The following SPECC1 variants were observed in gnomAD, a reference collection of about 807,000 sequenced individuals.
SPECC1 encodes the protein cytospin-B.
Under a neutral mutation model 104.1 loss-of-function variants are expected in SPECC1, and 62 were observed. That is an observed-to-expected ratio of 0.60 (90% CI 0.49 to 0.74). The LOEUF is 0.74. Ranked by LOEUF, SPECC1 falls within the 30% of genes least tolerant of loss-of-function variation. SPECC1 has a pLI of 0.00. For synonymous variants in SPECC1, 513 were observed against 501.6 expected, an observed-to-expected ratio of 1.02 and a Z score of -0.30; for missense variants, 1,306 against 1,310.5, an observed-to-expected ratio of 1.00 and a Z score of 0.05.
At chr17:20,140,308 C>G (rs2030618139) in intron 3 of SPECC1, among the ~76,000 whole-genome samples, 1 of 152,084 alleles carries the variant, frequency 6.6e-6, no homozygotes, top group Non-Finnish European at 1.5e-5. Flanking sequence ...TCTTATATCT[C>G]CTATGATTTC....
At chr17:20,295,964 G>A (rs1286848995) in intron 12 of SPECC1, among the ~76,000 whole-genome samples, 1 of 152,160 alleles carries the variant, frequency 6.6e-6, no homozygotes, top group African/African-American at 2.4e-5. Context: ...CTCCCATTCT[G>A]TAGGTTGCCT....
intron 3 of SPECC1, among the ~76,000 whole-genome samples, chr17:20,203,492 C>CAAGT (rs2036567821): frequency 6.6e-6 from 1 of 152,188 alleles, no homozygotes; most frequent in South Asian, 2.1e-4. Flanking sequence ...TATATCATGT[C>CAAGT]AAGTAACATA....
chr17:20,065,882 G>A (rs761582473), intron 1 of SPECC1, among the ~76,000 whole-genome samples: 4 of 152,158 alleles, frequency 2.6e-5, no homozygotes, highest in Admixed American at 2.6e-4. Context: ...GTTTCCTGAG[G>A]CCTAAAGTGC....
chr17:20,317,735 CA>C lies in SPECC1; in HGVS notation c.*3678del. The stretch of plus-strand genomic sequence containing the variant: ...AGCAAGACCCTGTCACACACACACA[CA>C]AAAAAAAGAAATACAGGTGGTGTTT... On this transcript the variant is annotated 3_prime_UTR_variant, in exon 15 of 15. Transcript: ENST00000395527. The C allele has an allele frequency of 1.9e-5, 4 of 216,012 alleles. No homozygotes were observed. The highest frequency in any genetic ancestry group is 9.3e-6 in the Non-Finnish European group (1 of 107,568). 13.4% of individuals were successfully genotyped at this position (216,012 alleles called of 1,614,324 possible).
At chr17:20,104,470 C>T (rs1463211068) in intron 2 of SPECC1, among the ~76,000 whole-genome samples, 3 of 151,994 alleles carry the variant, frequency 2.0e-5, no homozygotes, top group African/African-American at 7.2e-5. Context: ...TGGCCAGGCA[C>T]GGTGGCTCAT....
intron 12 of SPECC1, among the ~76,000 whole-genome samples, chr17:20,287,105 A>G (rs1015428190): frequency 2.0e-5 from 3 of 152,172 alleles, no homozygotes; most frequent in African/African-American, 7.2e-5. Flanking sequence ...CGTGGTCTGC[A>G]AGGGAACAGT....
intron 12 of SPECC1, among the ~76,000 whole-genome samples, chr17:20,287,342 G>T (rs561335472): frequency 6.7e-6 from 1 of 148,494 alleles, no homozygotes; most frequent in Non-Finnish European, 1.5e-5. Flanking sequence ...GCGTGAACCC[G>T]GGAAGCGGAG....
At chr17:20,105,874 G>C (rs1456165891) in intron 2 of SPECC1, among the ~76,000 whole-genome samples, 3 of 152,188 alleles carry the variant, frequency 2.0e-5, no homozygotes, top group Non-Finnish European at 4.4e-5. Context: ...TGGTGGCTGG[G>C]GATGGAGGCT....
intron 1 of SPECC1, among the ~76,000 whole-genome samples, chr17:20,027,851 A>G (rs2044655340): frequency 6.6e-6 from 1 of 152,058 alleles, no homozygotes; most frequent in South Asian, 2.1e-4. Context: ...TTTGCTTAAT[A>G]TTGCCTTGGC....
At chr17:20,135,717 G>A (rs1473103658) in intron 3 of SPECC1, among the ~76,000 whole-genome samples, 2 of 152,270 alleles carry the variant, frequency 1.3e-5, no homozygotes, top group South Asian at 2.1e-4. Flanking sequence ...CTCCTACAGT[G>A]CTGGGACTAC....
chr17:20,158,085 T>C (rs1310100928), intron 3 of SPECC1, among the ~76,000 whole-genome samples: 1 of 152,186 alleles, frequency 6.6e-6, no homozygotes, highest in Non-Finnish European at 1.5e-5. Context: ...AAATTAGAGC[T>C]TTGTTAAAGA....
intron 3 of SPECC1, among the ~76,000 whole-genome samples, chr17:20,163,417 T>C: frequency 6.6e-6 from 1 of 152,186 alleles, no homozygotes; most frequent in East Asian, 1.9e-4. Context: ...TAATTTGTGT[T>C]TATTAATTTA....
intron 4 of SPECC1, among the ~76,000 whole-genome samples, chr17:20,215,372 A>G (rs189224298): frequency 7.2e-5 from 11 of 152,358 alleles, no homozygotes; most frequent in Admixed American, 2.6e-4. Context: ...AATGGACTAT[A>G]TAATCACTAT....
intron 3 of SPECC1, among the ~76,000 whole-genome samples, chr17:20,111,456 G>C (rs1295271274): frequency 6.6e-6 from 1 of 152,094 alleles, no homozygotes; most frequent in Non-Finnish European, 1.5e-5. Flanking sequence ...CTATATAATG[G>C]CTTTACCATT....
chr17:20,071,800 T>C (rs2046565124), intron 1 of SPECC1, among the ~76,000 whole-genome samples: 1 of 151,772 alleles, frequency 6.6e-6, no homozygotes, highest in Non-Finnish European at 1.5e-5. Flanking sequence ...ACAATGTGAA[T>C]TTAAAAAGTA....
At chr17:20,215,207 A>C (rs928586952) in intron 4 of SPECC1, among the ~76,000 whole-genome samples, 3 of 152,220 alleles carry the variant, frequency 2.0e-5, no homozygotes, top group African/African-American at 7.2e-5. Flanking sequence ...AGGATGTTCC[A>C]TGAATGCATT....
intron 1 of SPECC1, among the ~76,000 whole-genome samples, chr17:20,038,048 G>A (rs1246320282): frequency 6.6e-6 from 1 of 152,034 alleles, no homozygotes; most frequent in East Asian, 1.9e-4. Flanking sequence ...AATTTATAAT[G>A]TGTAGAGTTG....
At chr17:20,228,802 T>A (rs2038393868) in intron 5 of SPECC1, among the ~76,000 whole-genome samples, 1 of 152,240 alleles carries the variant, frequency 6.6e-6, no homozygotes, top group African/African-American at 2.4e-5. Context: ...AACATTACCT[T>A]CTTTGTCCAA....
At chr17:20,117,974 G>A (rs1029272808) in intron 3 of SPECC1, among the ~76,000 whole-genome samples, 16 of 152,030 alleles carry the variant, frequency 1.1e-4, no homozygotes, top group South Asian at 6.2e-4. Flanking sequence ...GCATGGAAGC[G>A]TGCACCTGTA....
Sources: gnomAD v4.1 joint callset for allele counts (sites outside exome capture counted in the v4.1 genomes callset) on GRCh38, gnomAD v4.1.1 for gene constraint, MANE v1.5 for transcripts, NCBI Gene and HGNC (gene_info 2026-07-23, HGNC 2026-07-21) for gene names.